EPB41L3: variants seen among roughly 807,000 people sequenced by gnomAD.
EPB41L3 encodes band 4.1-like protein 3.
EPB41L3 carries 57 observed loss-of-function variants against 127.1 expected under a neutral mutation model. The observed-to-expected ratio is 0.45, with a 90% confidence interval of 0.36 to 0.56. The LOEUF (loss-of-function observed/expected upper bound fraction) is 0.56, where lower values mean the gene tolerates loss of function less well. EPB41L3 is among the 20% of genes least tolerant of loss of function. The pLI is 0.00. For missense variants in EPB41L3, 1,273 were observed against 1,372.2 expected (o/e 0.93, Z 1.14); for synonymous variants, 572 against 549.5 (o/e 1.04, Z -0.57).
At chr18:5,491,100 C>G (rs189340607) in intron 1 of EPB41L3, among the ~76,000 whole-genome samples, 44 of 152,334 alleles carry the variant, frequency 2.9e-4, no homozygotes, top group Non-Finnish European at 1.0e-4. Context: ...TGGATTAAGA[C>G]TGGACCAAGG....
chr18:5,578,605 C>A (rs1218645723), intron 3 of EPB41L3, among the ~76,000 whole-genome samples: 1 of 152,110 alleles, frequency 6.6e-6, no homozygotes. Flanking sequence ...TAAGAATAGA[C>A]ATTTTGTGGC....
rs759007542 is a variant in EPB41L3, at chr18:5,438,084, C to A, written c.556G>T (p.Val186Leu). The A allele has an allele frequency of 1.9e-6, 3 of 1,613,722 alleles. No individual in the cohort carries two copies. In the Admixed American group the frequency reaches 5.0e-5, roughly 27 times the overall value. ...GCAGGGTCTGGTGGATAAAATTTCA[C>A]ATTAAATGAAAAGTGCCAAGCACCA... is the stretch of plus-strand genomic sequence containing the variant. ...RSGAWHFSFN[V>L]KFYPPDPAQL... is the part of the protein sequence containing the mutation. Residue 186 changes from valine to leucine, a missense_variant, in exon 6 of 23, where the codon GTG becomes TTG. Val to Leu is a conservative substitution (Grantham distance 32, BLOSUM62 1). This residue lies in a region of EPB41L3 where 326 missense variants were observed against 440.2 expected (regional missense o/e 0.74). Coordinates refer to ENST00000341928, the MANE Select transcript of EPB41L3 (RefSeq NM_012307.5).
intron 3 of EPB41L3, among the ~76,000 whole-genome samples, chr18:5,580,350 C>T (rs1347481220): frequency 2.6e-5 from 4 of 152,170 alleles, no homozygotes; most frequent in East Asian, 3.9e-4. Context: ...CATACTCATA[C>T]ACATGTGTAT....
chr18:5,431,165 T>G (rs2078960836), intron 8 of EPB41L3: 2 of 152,168 alleles, frequency 1.3e-5, no homozygotes, highest in African/African-American at 2.4e-5. Flanking sequence ...CAGAGACAGA[T>G]GTACAAAGAA....
intron 13 of EPB41L3, among the ~76,000 whole-genome samples, chr18:5,415,398 G>A (rs2076672210): frequency 6.6e-6 from 1 of 152,154 alleles, no homozygotes; most frequent in South Asian, 2.1e-4. Context: ...ATCCCCTCCG[G>A]GGATGCACTC....
At chr18:5,485,517 T>A (rs1055540698) in intron 2 of EPB41L3, among the ~76,000 whole-genome samples, 1 of 148,596 alleles carries the variant, frequency 6.7e-6, no homozygotes, top group African/African-American at 2.6e-5. Context: ...AAGAAAGAAA[T>A]AAAGGGCATC....
At chr18:5,545,825 G>A (rs1355523040), upstream of EPB41L3, among the ~76,000 whole-genome samples, 1 of 151,880 alleles carries the variant, frequency 6.6e-6, no homozygotes, top group East Asian at 1.9e-4. Context: ...TGTTGCGTAT[G>A]AGTATTAGAG....
intron 2 of EPB41L3, among the ~76,000 whole-genome samples, chr18:5,484,419 C>T (rs1263011061): frequency 4.0e-5 from 6 of 151,212 alleles, no homozygotes; most frequent in Admixed American, 2.0e-4. Context: ...AATAACTCAA[C>T]GATGCACCTC....
chr18:5,498,989 G>T (rs1221359739), intron 1 of EPB41L3, among the ~76,000 whole-genome samples: 2 of 152,168 alleles, frequency 1.3e-5, no homozygotes, highest in African/African-American at 4.8e-5. Flanking sequence ...TGTCTAAAAT[G>T]CACAGGATCT....
chr18:5,599,854 T>C (rs1307931791), intron 3 of EPB41L3, among the ~76,000 whole-genome samples: 1 of 152,144 alleles, frequency 6.6e-6, no homozygotes, highest in Non-Finnish European at 1.5e-5. Context: ...ACTGCATGGA[T>C]TCATACAGTC....
intron 3 of EPB41L3, among the ~76,000 whole-genome samples, chr18:5,468,328 C>CTA (rs2147401811): frequency 6.6e-6 from 1 of 152,290 alleles, no homozygotes; most frequent in South Asian, 2.1e-4. Context: ...CACCCTCCAG[C>CTA]TAGGGATGGT....
intron 3 of EPB41L3, among the ~76,000 whole-genome samples, chr18:5,458,890 G>C (rs1182004117): frequency 6.6e-6 from 1 of 152,168 alleles, no homozygotes; most frequent in African/African-American, 2.4e-5. Flanking sequence ...AATGTCCTAT[G>C]AGTGCTTTAA....
At chr18:5,528,060 G>C (rs2148894369) in intron 1 of EPB41L3, among the ~76,000 whole-genome samples, 1 of 152,296 alleles carries the variant, frequency 6.6e-6, no homozygotes, top group Non-Finnish European at 1.5e-5. Flanking sequence ...TGGGAAGGAA[G>C]AAAGACACGT....
chr18:5,474,850 A>G (rs1315722966), intron 3 of EPB41L3, among the ~76,000 whole-genome samples: 1 of 152,152 alleles, frequency 6.6e-6, no homozygotes, highest in Non-Finnish European at 1.5e-5. Context: ...GCATCTGAGG[A>G]ATCAGTGGCT....
At chr18:5,596,437 T>C (rs186345650) in intron 3 of EPB41L3, among the ~76,000 whole-genome samples, 3 of 152,290 alleles carry the variant, frequency 2.0e-5, no homozygotes, top group East Asian at 1.9e-4. Context: ...CCACCAAAAG[T>C]AACAGCTAAG....
intron 16 of EPB41L3, among the ~76,000 whole-genome samples, chr18:5,402,891 G>T (rs2074744128): frequency 6.6e-6 from 1 of 152,128 alleles, no homozygotes; most frequent in Non-Finnish European, 1.5e-5. Context: ...GGGTAAATTT[G>T]CAAATACAGA....
intron 3 of EPB41L3, among the ~76,000 whole-genome samples, chr18:5,562,276 T>C (rs2094144237): frequency 6.6e-6 from 1 of 152,178 alleles, no homozygotes. Context: ...CTCCTCTGTA[T>C]GTCTAAAACT....
intron 3 of EPB41L3, among the ~76,000 whole-genome samples, chr18:5,584,033 C>T (rs1182175997): frequency 3.3e-5 from 5 of 152,186 alleles, no homozygotes; most frequent in Non-Finnish European, 7.3e-5. Flanking sequence ...GTCTCGAACC[C>T]TCAACCTCAG....
At chr18:5,407,541 C>A (rs1177901027) in intron 15 of EPB41L3, among the ~76,000 whole-genome samples, 160 bp downstream of exon 15, 1 of 152,186 alleles carries the variant, frequency 6.6e-6, no homozygotes, top group African/African-American at 2.4e-5. Context: ...GTAAAGGACA[C>A]AGTTGTCAAG....
Sources: gnomAD v4.1 joint callset for allele counts (sites outside exome capture counted in the v4.1 genomes callset) on GRCh38, gnomAD v4.1.1 for gene constraint, gnomAD v4.1.1 regional missense constraint, MANE v1.5 for transcripts, NCBI Gene and HGNC (gene_info 2026-07-23, HGNC 2026-07-21) for gene names.